The following NAV2 variants were observed in gnomAD, a reference collection of about 807,000 sequenced individuals.
NAV2 encodes the protein helicase, APC down-regulated 1.
Under a neutral mutation model 223.2 loss-of-function variants are expected in NAV2, and 54 were observed. The observed-to-expected ratio is 0.24, with a 90% CI of 0.19 to 0.30. The LOEUF (loss-of-function observed/expected upper bound fraction) is 0.30. Ranked by LOEUF, NAV2 falls within the 10% of genes least tolerant of loss-of-function variation. NAV2 has a pLI of 1.00. For synonymous variants in NAV2, 1,279 were observed against 1,239.3 expected (o/e 1.03, Z -0.67); for missense variants, 2,806 against 3,147.5 (o/e 0.89, Z 2.60).
At chr11:20,101,529 A>C (rs2153699714) in intron 32 of NAV2, among the ~76,000 whole-genome samples, 1 of 152,354 alleles carries the variant, frequency 6.6e-6, no homozygotes, top group South Asian at 2.1e-4. Flanking sequence ...TAATAAAAAT[A>C]ATAGAAGCCC....
chr11:19,948,672 A>G lies in NAV2; in HGVS notation c.2256-19A>G. The G allele has an allele frequency of 6.5e-7, 1 of 1,544,154 alleles. No homozygotes were observed. Among genetic ancestry groups the G allele is most frequent in the Non-Finnish European group, 8.7e-7 (1 of 1,143,250 alleles). ...ATACTAGGTACCTTTGAGTCTAATCAGGTTGGTTTTGTTTCTAGCACATTG... is the reference window on the plus strand; with the variant it reads ...ATACTAGGTACCTTTGAGTCTAATCGGGTTGGTTTTGTTTCTAGCACATTG... On this transcript the variant is annotated intron_variant, in intron 9 of 37. Transcript: ENST00000349880.
At chr11:19,419,330 A>G (rs963883490) in intron 1 of NAV2, among the ~76,000 whole-genome samples, 1 of 152,248 alleles carries the variant, frequency 6.6e-6, no homozygotes, top group Non-Finnish European at 1.5e-5. Context: ...GCAGAAATCC[A>G]TCATGAGCCA....
At chr11:19,473,398 A>G (rs1355285241) in intron 1 of NAV2, among the ~76,000 whole-genome samples, 1 of 152,166 alleles carries the variant, frequency 6.6e-6, no homozygotes, top group East Asian at 1.9e-4. Context: ...AAATTTATTT[A>G]AAAGTGCATA....
At chr11:19,484,487 G>A (rs2632021) in intron 1 of NAV2, among the ~76,000 whole-genome samples, 1,842 of 152,296 alleles carry the variant, frequency 0.012, 36 homozygotes, top group African/African-American at 0.043. Flanking sequence ...CTAGAGGCAG[G>A]GACACTTTGG....
At chr11:19,821,256 T>C (rs1470825147) in intron 1 of NAV2, among the ~76,000 whole-genome samples, 5 of 69,696 alleles carry the variant, frequency 7.2e-5, no homozygotes, top group African/African-American at 1.1e-4. Context: ...AGCGAGACTC[T>C]GTCTCAAAAA....
At chr11:19,838,613 C>T (rs964346511) in intron 2 of NAV2, among the ~76,000 whole-genome samples, 2 of 152,108 alleles carry the variant, frequency 1.3e-5, no homozygotes, top group Non-Finnish European at 2.9e-5. Context: ...CAAGGAAAAA[C>T]TTAAATGGTT....
At position 20,044,251 on chromosome 11, in the gene NAV2, G is replaced by A. The variant is rs372482203; in HGVS notation, c.3178G>A (p.Ala1060Thr). 38 of 1,611,470 alleles carry A rather than the reference G, an allele frequency of 2.4e-5. No individual in the cohort carries two copies. In the East Asian group the frequency reaches 2.7e-4, roughly 11 times the overall value. ...PRTKPSAPAG[A>T]LKTPGTGKTD... The stretch of plus-strand genomic sequence containing the variant: ...GACGAAGCCTTCAGCCCCGGCAGGC[G>A]CACTGAAGACCCCAGGAACTGGTAA... The change falls in exon 13 of 38, where the codon GCA becomes ACA. Residue 1060 changes from alanine to threonine, a missense_variant. Coordinates refer to ENST00000349880, the MANE Select transcript of NAV2 (RefSeq NM_145117.5).
chr11:19,928,422 G>A (rs1326804183), intron 6 of NAV2, among the ~76,000 whole-genome samples: 1 of 152,120 alleles, frequency 6.6e-6, no homozygotes, highest in Non-Finnish European at 1.5e-5. Context: ...ATCATTTGGG[G>A]GATACAGATG....
intron 6 of NAV2, among the ~76,000 whole-genome samples, chr11:19,898,674 C>T (rs1269716135): frequency 6.6e-6 from 1 of 151,940 alleles, no homozygotes; most frequent in Non-Finnish European, 1.5e-5. Flanking sequence ...TGTATATAAC[C>T]ATTTCAGTGT....
chr11:19,521,747 A>T (rs923628145), intron 1 of NAV2, among the ~76,000 whole-genome samples: 5 of 152,278 alleles, frequency 3.3e-5, no homozygotes, highest in Middle Eastern at 3.4e-3. Flanking sequence ...CATTTTCCAG[A>T]TGAGGAAGCA....
intron 18 of NAV2, among the ~76,000 whole-genome samples, chr11:20,055,012 G>A (rs72909648): frequency 0.036 from 5,523 of 152,320 alleles, 154 homozygotes; most frequent in Non-Finnish European, 0.055. Flanking sequence ...ATGTGAAGGT[G>A]GCAGAGTAGG....
intron 1 of NAV2, among the ~76,000 whole-genome samples, chr11:19,545,571 A>G (rs561002216): frequency 1.3e-5 from 2 of 152,264 alleles, no homozygotes; most frequent in Admixed American, 1.3e-4. Context: ...TGGAGTGAGT[A>G]GACTGAATCA....
At chr11:19,938,465 A>G (rs2046111802) in intron 7 of NAV2, among the ~76,000 whole-genome samples, 1 of 152,232 alleles carries the variant, frequency 6.6e-6, no homozygotes, top group Admixed American at 6.5e-5. Context: ...AATAACAAAG[A>G]CAGTCCTTTC....
At chr11:19,878,182 C>T (rs1167457476) in intron 4 of NAV2, among the ~76,000 whole-genome samples, 2 of 152,192 alleles carry the variant, frequency 1.3e-5, no homozygotes, top group Non-Finnish European at 2.9e-5. Context: ...TAATTAAGAG[C>T]TCCCCACTCC....
At chr11:19,846,679 C>T (rs976639017) in intron 3 of NAV2, among the ~76,000 whole-genome samples, 2 of 152,230 alleles carry the variant, frequency 1.3e-5, no homozygotes, top group Admixed American at 6.5e-5. Flanking sequence ...GCTGGCATAA[C>T]ACTCACACCT....
chr11:20,010,774 C>T (rs1419927010), intron 11 of NAV2, among the ~76,000 whole-genome samples: 1 of 152,150 alleles, frequency 6.6e-6, no homozygotes, highest in Non-Finnish European at 1.5e-5. Flanking sequence ...ACAGTGTCTT[C>T]CAGGCAGCTG....
At position 19,500,342 on chromosome 11, in the gene NAV2, A is replaced by T. The variant is rs114947885; in HGVS notation, c.75+149315A>T. Reference sequence around the variant, plus strand: ...TGTCCAGCCACACTCACCCAAGATCACAGAGCTAGACTCATAAGTGAAATA... The same window carrying T: ...TGTCCAGCCACACTCACCCAAGATCTCAGAGCTAGACTCATAAGTGAAATA... On this transcript the variant is annotated intron_variant, in intron 1 of 37. Transcript: ENST00000360655. Among the ~76,000 whole-genome samples the T allele has an allele frequency of 8.4e-3, 1,272 of 152,288 alleles. 14 individuals are homozygous for T. The highest frequency in any genetic ancestry group is 0.029 in the African/African-American group (1,199 of 41,560).
chr11:19,916,908 G>C (rs2043852499), intron 6 of NAV2, among the ~76,000 whole-genome samples: 1 of 152,188 alleles, frequency 6.6e-6, no homozygotes, highest in Non-Finnish European at 1.5e-5. Flanking sequence ...TAAGTACAGA[G>C]GGCCAAAATC....
intron 11 of NAV2, among the ~76,000 whole-genome samples, chr11:19,992,064 C>T (rs188752061): frequency 5.9e-4 from 90 of 152,342 alleles, no homozygotes; most frequent in Non-Finnish European, 1.1e-3. Flanking sequence ...CCAGCATTAA[C>T]GATCTTCACT....
Sources: gnomAD v4.1 joint callset for allele counts (sites outside exome capture counted in the v4.1 genomes callset) on GRCh38, gnomAD v4.1.1 for gene constraint, MANE v1.5 for transcripts, NCBI Gene and HGNC (gene_info 2026-07-23, HGNC 2026-07-21) for gene names.